CELF2: variants seen among roughly 807,000 people sequenced by gnomAD.
The protein encoded by CELF2 is CUGBP Elav-like family member 2.
CELF2 carries 8 observed loss-of-function variants against 62.6 expected under a neutral mutation model. The observed-to-expected ratio is 0.13, with a 90% CI of 0.07 to 0.23. The LOEUF is 0.23. Among genes scored for constraint, CELF2 ranks in the 10% least tolerant of loss-of-function variants. CELF2 has a pLI of 1.00. For synonymous variants in CELF2, 258 were observed against 250.0 expected (o/e 1.03, Z -0.30); for missense variants, 333 against 671.0 (o/e 0.50, Z 5.56).
At chr10:10,944,519 C>A (rs2047427530) in intron 2 of CELF2, among the ~76,000 whole-genome samples, 1 of 152,146 alleles carries the variant, frequency 6.6e-6, no homozygotes, top group African/African-American at 2.4e-5. Context: ...ATTTAAGAAG[C>A]TCAACTTTAG....
chr10:10,516,799 G>A, the CELF2 span, among the ~76,000 whole-genome samples: 5 of 149,652 alleles, frequency 3.3e-5, no homozygotes, highest in South Asian at 2.1e-4. Context: ...CTTGCCACCC[G>A]GGCAACTCTG....
intron 3 of CELF2, among the ~76,000 whole-genome samples, chr10:11,231,165 C>G (rs1340686681): frequency 6.6e-6 from 1 of 152,166 alleles, no homozygotes; most frequent in Non-Finnish European, 1.5e-5. Flanking sequence ...GTTCTGAGTT[C>G]TTGTTTTTCA....
At chr10:11,133,776 T>C (rs2059974649) in intron 1 of CELF2, among the ~76,000 whole-genome samples, 2 of 152,214 alleles carry the variant, frequency 1.3e-5, no homozygotes, top group South Asian at 4.1e-4. Context: ...GGGTCTCTGC[T>C]GACCCAGACT....
the CELF2 span, among the ~76,000 whole-genome samples, chr10:10,463,703 A>G: frequency 9.0e-4 from 137 of 152,308 alleles, no homozygotes; most frequent in Admixed American, 1.4e-3. Context: ...AGGCTTGTCA[A>G]TGAGTCTGCT....
chr10:10,746,126 C>T, the CELF2 span, among the ~76,000 whole-genome samples: 3 of 152,224 alleles, frequency 2.0e-5, no homozygotes. Flanking sequence ...CACAGATCAG[C>T]TGCCTCACCT....
At chr10:10,639,600 T>C in the CELF2 span, among the ~76,000 whole-genome samples, 7 of 152,324 alleles carry the variant, frequency 4.6e-5, no homozygotes, top group East Asian at 1.9e-4. Flanking sequence ...TGCCCTGATA[T>C]ATATCTTTAA....
chr10:10,949,612 C>T lies in CELF2; in HGVS notation c.89+29613C>T, dbSNP rs2048080540. 2.0e-5 allele frequency among the ~76,000 whole-genome samples: 3 copies of T among 151,146 alleles called. No individual in the cohort carries two copies. In the South Asian group the frequency reaches 6.3e-4, roughly 32 times the overall value. On this transcript the variant is annotated intron_variant, in intron 2 of 13. Coordinates refer to the CELF2 transcript ENST00000636488. ...TTCAAGACCAGCCTGGCCAATACAA[C>T]AAAACCCCATCTCTACTAAAAATAC...
At chr10:11,222,631 C>T (rs1046240581) in intron 3 of CELF2, among the ~76,000 whole-genome samples, 1 of 152,208 alleles carries the variant, frequency 6.6e-6, no homozygotes, top group East Asian at 1.9e-4. Context: ...ACTGTAGTAG[C>T]AGCCATGCCC....
chr10:11,267,172 A>G lies in CELF2; in HGVS notation c.618+495A>G, dbSNP rs1255181501. On this transcript the variant is annotated intron_variant, in intron 6 of 12. Transcript: ENST00000633077. The surrounding 1 kb of genome is among the most constrained non-coding windows in gnomAD (Gnocchi z 4.4). ...TGTTTTTACATCAAGAATGTTGGAG[A>G]AAGTTAATATTTCTCCCACTGCATT... 2.0e-5 allele frequency among the ~76,000 whole-genome samples: 3 copies of G among 152,236 alleles called. No individual in the cohort carries two copies. The highest frequency in any genetic ancestry group is 4.4e-5 in the Non-Finnish European group (3 of 68,038).
chr10:10,824,981 C>A (rs913571766), intron 1 of CELF2, among the ~76,000 whole-genome samples: 1 of 152,144 alleles, frequency 6.6e-6, no homozygotes, highest in Non-Finnish European at 1.5e-5. Flanking sequence ...CTCTCTGTTT[C>A]CCGGGGCATA....
At chr10:11,003,631 G>A (rs2054744734), upstream of CELF2, among the ~76,000 whole-genome samples, 1 of 152,104 alleles carries the variant, frequency 6.6e-6, no homozygotes, top group Admixed American at 6.5e-5. The surrounding 1 kb of genome is among the most constrained non-coding windows in gnomAD (Gnocchi z 4.4). Context: ...GAGAGGTTAA[G>A]AGACTTCTGC....
At chr10:10,833,323 GGAAT>G (rs2058027672) in intron 1 of CELF2, among the ~76,000 whole-genome samples, 1 of 152,108 alleles carries the variant, frequency 6.6e-6, no homozygotes, top group African/African-American at 2.4e-5. Flanking sequence ...GCTTGATTTG[GGAAT>G]GTACCTGGTA....
intron 2 of CELF2, chr10:10,927,312 T>A (rs1263347415): frequency 1.6e-5 from 2 of 123,356 alleles, no homozygotes; most frequent in Non-Finnish European, 3.2e-5. Flanking sequence ...CTTATCATCA[T>A]ATACCCAACA....
intron 1 of CELF2, among the ~76,000 whole-genome samples, chr10:11,033,407 G>C (rs11256952): frequency 2.8e-4 from 43 of 151,942 alleles, no homozygotes; most frequent in Non-Finnish European, 1.0e-4. Context: ...ACAGGCATGC[G>C]CCACCACACC....
chr10:10,562,829 C>T, the CELF2 span, among the ~76,000 whole-genome samples: 1 of 151,850 alleles, frequency 6.6e-6, no homozygotes, highest in Non-Finnish European at 1.5e-5. Context: ...CCTCCACAGC[C>T]GTATGCTCCG....
At chr10:10,733,268 C>T in the CELF2 span, among the ~76,000 whole-genome samples, 5 of 152,176 alleles carry the variant, frequency 3.3e-5, no homozygotes, top group Non-Finnish European at 7.3e-5. Context: ...GTTTGAATCA[C>T]ATGGCTCGGA....
chr10:10,602,219 C>T, the CELF2 span, among the ~76,000 whole-genome samples: 4 of 152,146 alleles, frequency 2.6e-5, no homozygotes, highest in Admixed American at 6.5e-5. Flanking sequence ...ATTTTAATAG[C>T]GTTTCAGTTC....
At chr10:10,815,932 G>A (rs898901213) in intron 1 of CELF2, among the ~76,000 whole-genome samples, 18 of 124,092 alleles carry the variant, frequency 1.5e-4, no homozygotes, top group Non-Finnish European at 2.7e-4. Context: ...CCCATAAATT[G>A]GCCTAAATCC....
At chr10:10,574,871 GGTTTTTTTTTTTTTT>G in the CELF2 span, among the ~76,000 whole-genome samples, 1 of 62,010 alleles carries the variant, frequency 1.6e-5, no homozygotes, top group East Asian at 8.3e-4. Context: ...CACCATGCCT[GGTTTTTTTTTTTTTT>G]TTTTTTTTTT....
Sources: allele counts gnomAD v4.1 joint callset (sites outside exome capture counted in the v4.1 genomes callset), GRCh38; gene constraint gnomAD v4.1.1; non-coding constraint Gnocchi (gnomAD v3.1); transcripts MANE v1.5; gene names NCBI Gene and HGNC (gene_info 2026-07-23, HGNC 2026-07-21).